The following KIAA0825 variants were observed in gnomAD, a reference collection of about 807,000 sequenced individuals.
KIAA0825 encodes the protein uncharacterized protein KIAA0825.
Under a neutral mutation model 147.6 loss-of-function variants are expected in KIAA0825, and 119 were observed. That is an observed-to-expected ratio of 0.81 (90% CI 0.69 to 0.94). The LOEUF (loss-of-function observed/expected upper bound fraction) is 0.94. Ranked by LOEUF, KIAA0825 falls within the 40% of genes least tolerant of loss-of-function variation. The probability of loss-of-function intolerance (pLI) is 0.00; values close to 1 mark genes in which losing one functional copy is unlikely to be tolerated. For synonymous variants in KIAA0825, 470 were observed against 518.1 expected (o/e 0.91, Z 1.26); for missense variants, 1,381 against 1,472.7 (o/e 0.94, Z 1.02).
intron 1 of KIAA0825, among the ~76,000 whole-genome samples, chr5:94,598,973 C>T (rs1188793373): frequency 6.6e-6 from 1 of 152,076 alleles, no homozygotes; most frequent in East Asian, 1.9e-4. Flanking sequence ...ATTTCCTTTC[C>T]TTTAGATGAA....
intron 2 of KIAA0825, among the ~76,000 whole-genome samples, chr5:94,573,399 T>C (rs899385679): frequency 6.6e-6 from 1 of 151,864 alleles, no homozygotes; most frequent in Non-Finnish European, 1.5e-5. Context: ...GCCTCCCTAG[T>C]AGCTGGGACT....
chr5:94,355,465 G>T (rs1469666486), intron 20 of KIAA0825, among the ~76,000 whole-genome samples: 3 of 152,122 alleles, frequency 2.0e-5, no homozygotes, highest in Non-Finnish European at 4.4e-5. Flanking sequence ...ACGATATATA[G>T]AGTTAAATAA....
At chr5:94,556,350 A>C (rs528083838) in intron 2 of KIAA0825, among the ~76,000 whole-genome samples, 1 of 152,288 alleles carries the variant, frequency 6.6e-6, no homozygotes, top group East Asian at 1.9e-4. Context: ...TACAGGCATG[A>C]GCATGAGCAT....
chr5:94,305,994 A>G (rs567831503), intron 20 of KIAA0825, among the ~76,000 whole-genome samples: 1 of 152,008 alleles, frequency 6.6e-6, no homozygotes, highest in South Asian at 2.1e-4. Context: ...GAATATGTAC[A>G]TTATTATCTC....
intron 20 of KIAA0825, among the ~76,000 whole-genome samples, chr5:94,235,578 C>T (rs4418081): frequency 1 from 151,929 of 152,346 alleles, 75,757 homozygotes; most frequent in Middle Eastern, 1. Flanking sequence ...GCTAAGATCA[C>T]TGAAGAAGGT....
intron 20 of KIAA0825, among the ~76,000 whole-genome samples, chr5:94,249,772 T>C (rs984621236): frequency 6.6e-6 from 1 of 151,684 alleles, no homozygotes; most frequent in East Asian, 1.9e-4. Flanking sequence ...ATTATTTTGC[T>C]TTTTTCCCCA....
intron 20 of KIAA0825, among the ~76,000 whole-genome samples, chr5:94,259,649 A>G (rs1243863168): frequency 6.6e-6 from 1 of 152,028 alleles, no homozygotes; most frequent in African/African-American, 2.4e-5. Flanking sequence ...ATTTTTCAAC[A>G]TACTTTTTTG....
intron 20 of KIAA0825, among the ~76,000 whole-genome samples, chr5:94,338,499 A>G (rs1287117560): frequency 6.6e-6 from 1 of 152,156 alleles, no homozygotes; most frequent in Non-Finnish European, 1.5e-5. Context: ...ATTTCAGTCA[A>G]TAATGAACTA....
At chr5:94,184,454 G>A (rs1467418462) in intron 20 of KIAA0825, among the ~76,000 whole-genome samples, 1 of 152,040 alleles carries the variant, frequency 6.6e-6, no homozygotes, top group African/African-American at 2.4e-5. Flanking sequence ...TCCATTTATG[G>A]TTTCTTTTCT....
chr5:94,226,116 T>C (rs1468969409), intron 20 of KIAA0825, among the ~76,000 whole-genome samples: 1 of 152,214 alleles, frequency 6.6e-6, no homozygotes, highest in Non-Finnish European at 1.5e-5. Context: ...TCTACCCATC[T>C]GACAAAGGGC....
At chr5:94,457,222 G>A (rs1449557202) in intron 12 of KIAA0825, among the ~76,000 whole-genome samples, 1 of 152,142 alleles carries the variant, frequency 6.6e-6, no homozygotes, top group African/African-American at 2.4e-5. Context: ...GAAATTATGA[G>A]CTAGCTATTA....
At chr5:94,248,583 T>A (rs1413916401) in intron 20 of KIAA0825, among the ~76,000 whole-genome samples, 1 of 152,162 alleles carries the variant, frequency 6.6e-6, no homozygotes, top group Non-Finnish European at 1.5e-5. Context: ...CATCTCTTGC[T>A]GTAATACAGA....
intron 15 of KIAA0825, among the ~76,000 whole-genome samples, chr5:94,406,134 C>T (rs1316935685): frequency 1.3e-5 from 2 of 152,022 alleles, no homozygotes; most frequent in African/African-American, 4.8e-5. Context: ...ACCTTGTTGG[C>T]AAGGATGGTC....
intron 18 of KIAA0825, 136 bp downstream of exon 18, chr5:94,391,399 T>G: frequency 1.3e-6 from 1 of 784,290 alleles, no homozygotes; most frequent in Non-Finnish European, 2.0e-6. Flanking sequence ...GAATAGATTC[T>G]ATTAATAATG....
chr5:94,330,628 C>A (rs557223793), intron 20 of KIAA0825, among the ~76,000 whole-genome samples: 1 of 152,012 alleles, frequency 6.6e-6, no homozygotes, highest in East Asian at 1.9e-4. Flanking sequence ...TCAAACCAAT[C>A]ATCTAAGATT....
chr5:94,200,398 T>A (rs775873702), intron 20 of KIAA0825, among the ~76,000 whole-genome samples: 1 of 152,158 alleles, frequency 6.6e-6, no homozygotes, highest in Non-Finnish European at 1.5e-5. Flanking sequence ...CTATCCACTC[T>A]CAATGCCTGC....
chr5:94,536,044 C>T (rs187946007), intron 3 of KIAA0825, among the ~76,000 whole-genome samples: 2 of 152,158 alleles, frequency 1.3e-5, no homozygotes, highest in Non-Finnish European at 2.9e-5. Context: ...GTTTTTAATG[C>T]TTATTCAATA....
intron 20 of KIAA0825, among the ~76,000 whole-genome samples, chr5:94,300,326 T>C (rs1778335580): frequency 6.6e-6 from 1 of 152,100 alleles, no homozygotes; most frequent in Non-Finnish European, 1.5e-5. Context: ...TCCTAAAAAA[T>C]GATAAATAGC....
chr5:94,419,518 GTT>G (rs1406825498), intron 14 of KIAA0825, among the ~76,000 whole-genome samples: 1 of 152,106 alleles, frequency 6.6e-6, no homozygotes, highest in Non-Finnish European at 1.5e-5. Flanking sequence ...ACCCAGTAGA[GTT>G]TATTTGCTTG....
Sources: gnomAD v4.1 joint callset for allele counts (sites outside exome capture counted in the v4.1 genomes callset) on GRCh38, gnomAD v4.1.1 for gene constraint, MANE v1.5 for transcripts, NCBI Gene and HGNC (gene_info 2026-07-23, HGNC 2026-07-21) for gene names.